CREBL2: variants seen among roughly 807,000 people sequenced by gnomAD.
CREBL2 encodes the protein cAMP-responsive element-binding protein-like 2.
CREBL2 carries 4 observed loss-of-function variants against 19.5 expected under a neutral mutation model. The observed-to-expected ratio is 0.20, with a 90% CI of 0.10 to 0.47. The LOEUF is 0.47. CREBL2 is among the 20% of genes least tolerant of loss of function. The pLI, the probability that CREBL2 is intolerant of heterozygous loss-of-function variation, is 0.98. For missense variants in CREBL2, 85 were observed against 145.1 expected (o/e 0.59, Z 2.13); for synonymous variants, 42 against 46.6 (o/e 0.90, Z 0.40).
At chr12:12,622,529 A>T (rs921191666) in intron 1 of CREBL2, among the ~76,000 whole-genome samples, 1 of 152,082 alleles carries the variant, frequency 6.6e-6, no homozygotes, top group Non-Finnish European at 1.5e-5. Context: ...GTTGTGGGGG[A>T]TGAGGGAGGG....
intron 1 of CREBL2, among the ~76,000 whole-genome samples, chr12:12,631,512 GT>G (rs1321347342): frequency 2.6e-4 from 40 of 152,336 alleles, no homozygotes; most frequent in African/African-American, 9.1e-4. Flanking sequence ...ATGAAAGTCA[GT>G]AATTTTGTTT....
At chr12:12,628,517 C>G (rs1444159068) in intron 1 of CREBL2, among the ~76,000 whole-genome samples, 1 of 152,204 alleles carries the variant, frequency 6.6e-6, no homozygotes, top group Non-Finnish European at 1.5e-5. Context: ...CTTATCATAT[C>G]TAAGAAACCA....
At chr12:12,638,686 T>A (rs1387183766) in intron 3 of CREBL2, among the ~76,000 whole-genome samples, 1 of 152,170 alleles carries the variant, frequency 6.6e-6, no homozygotes, top group East Asian at 1.9e-4. Flanking sequence ...TGTTAAGGAA[T>A]TATACTTATT....
chr12:12,638,776 T>C (rs997948931), intron 3 of CREBL2, among the ~76,000 whole-genome samples: 1 of 152,232 alleles, frequency 6.6e-6, no homozygotes, highest in African/African-American at 2.4e-5. Context: ...TGTCCTCACC[T>C]AATCCAGGCT....
At chr12:12,636,925 GACA>G (rs891859512) in intron 2 of CREBL2, among the ~76,000 whole-genome samples, 10 of 152,200 alleles carry the variant, frequency 6.6e-5, no homozygotes, top group African/African-American at 2.2e-4. Context: ...TAGAAAGTAA[GACA>G]ACAAGGTTGG....
chr12:12,637,413 C>A (rs548633502), intron 2 of CREBL2, among the ~76,000 whole-genome samples, 157 bp from the exon 3 acceptor site: 149 of 152,052 alleles, frequency 9.8e-4, no homozygotes, highest in African/African-American at 3.4e-3. Context: ...ATAGGTAATA[C>A]CATGGAGGGT....
intron 1 of CREBL2, among the ~76,000 whole-genome samples, chr12:12,617,090 G>A (rs1280551798): frequency 1.3e-5 from 2 of 152,222 alleles, no homozygotes; most frequent in Non-Finnish European, 2.9e-5. Context: ...TGGCTGGAGT[G>A]AGAGCAGGAC....
chr12:12,620,702 C>T (rs1162084800), intron 1 of CREBL2, among the ~76,000 whole-genome samples: 1 of 152,110 alleles, frequency 6.6e-6, no homozygotes, highest in Non-Finnish European at 1.5e-5. Context: ...ATGTTTTGTC[C>T]TCTTAAGATT....
At chr12:12,628,799 A>G (rs1203843178) in intron 1 of CREBL2, among the ~76,000 whole-genome samples, 1 of 152,078 alleles carries the variant, frequency 6.6e-6, no homozygotes, top group Non-Finnish European at 1.5e-5. Context: ...ATTTTTGTAT[A>G]TGGTACGAGG....
Position 12,636,086 on chromosome 12 carries a change from G to C in CREBL2, c.213+112G>C. ...CTGTCCAGTTGGCAAACATTGGAGA[G>C]AATATTAATCTGTTAGCCAGGATGG... is the stretch of plus-strand genomic sequence containing the variant. On this transcript the variant is annotated intron_variant, in intron 2 of 3. Coordinates refer to ENST00000228865, the MANE Select transcript of CREBL2 (RefSeq NM_001310.4). The C allele has an allele frequency of 2.9e-6, 3 of 1,025,512 alleles. No individual in the cohort carries two copies. In the South Asian group the frequency reaches 5.0e-5, roughly 17 times the overall value. 63.5% of individuals were successfully genotyped at this position (1,025,512 alleles called of 1,614,324 possible). A position where few individuals can be genotyped will look rare whatever the true frequency, so the allele number is the denominator to read the frequency against.
rs905628290 is a variant in CREBL2 at position 12,612,288 on chromosome 12, A to T, written c.15+101A>T. On this transcript the variant is annotated intron_variant, in intron 1 of 3. Transcript: ENST00000228865. Reference sequence around the variant, plus strand: ...TAGTCCACGCCAACACCCAAGAGACACCTGCCTAAAACATCCCTGCGCCTC... The same window carrying T: ...TAGTCCACGCCAACACCCAAGAGACTCCTGCCTAAAACATCCCTGCGCCTC... The T allele has an allele frequency of 2.5e-6, 4 of 1,595,890 alleles. No homozygotes were observed. In the East Asian group the frequency reaches 9.0e-5, roughly 36 times the overall value.
intron 1 of CREBL2, among the ~76,000 whole-genome samples, chr12:12,627,044 G>A (rs973878420): frequency 6.6e-6 from 1 of 152,094 alleles, no homozygotes; most frequent in Non-Finnish European, 1.5e-5. Context: ...TTTCAGGAGA[G>A]GGAGGAAGAG....
intron 1 of CREBL2, among the ~76,000 whole-genome samples, chr12:12,620,332 C>T (rs1945350480): frequency 6.6e-6 from 1 of 152,070 alleles, no homozygotes; most frequent in Non-Finnish European, 1.5e-5. Context: ...CTCCCTGGCT[C>T]AAGCGATCCT....
intron 2 of CREBL2, 131 bp from the exon 3 acceptor site, chr12:12,637,439 G>A (rs1406749235): frequency 5.4e-5 from 24 of 441,184 alleles, no homozygotes; most frequent in Non-Finnish European, 7.9e-5. Flanking sequence ...TCCCAGCAGC[G>A]AACGTGACCT....
intron 1 of CREBL2, 77 bp from the exon 2 acceptor site, chr12:12,635,700 T>C (rs1945469743): frequency 2.0e-6 from 3 of 1,485,188 alleles, no homozygotes; most frequent in Admixed American, 2.3e-5. Context: ...AATGTTCTCT[T>C]TGCTAATATG....
intron 1 of CREBL2, among the ~76,000 whole-genome samples, chr12:12,617,836 C>A (rs1393418230): frequency 6.6e-6 from 1 of 150,892 alleles, no homozygotes; most frequent in Non-Finnish European, 1.5e-5. Context: ...GTGTTTGTGT[C>A]CCTGGGTACT....
At chr12:12,624,631 T>C (rs560071568) in intron 1 of CREBL2, among the ~76,000 whole-genome samples, 8 of 152,290 alleles carry the variant, frequency 5.3e-5, no homozygotes, top group African/African-American at 1.9e-4. Flanking sequence ...AGCATCCAGG[T>C]AGGGGTGCCT....
chr12:12,636,958 T>G (rs1222114903), intron 2 of CREBL2, among the ~76,000 whole-genome samples: 1 of 152,230 alleles, frequency 6.6e-6, no homozygotes, highest in Non-Finnish European at 1.5e-5. Context: ...AGGAGGGACA[T>G]GAACAGTGTT....
chr12:12,613,071 A>G (rs913854364), intron 1 of CREBL2, among the ~76,000 whole-genome samples: 3 of 152,084 alleles, frequency 2.0e-5, no homozygotes, highest in East Asian at 1.9e-4. Flanking sequence ...GGGTTTCTCC[A>G]TGTTGGTCAG....
Sources: gnomAD v4.1 joint callset for allele counts (sites outside exome capture counted in the v4.1 genomes callset) on GRCh38, gnomAD v4.1.1 for gene constraint, MANE v1.5 for transcripts, NCBI Gene and HGNC (gene_info 2026-07-23, HGNC 2026-07-21) for gene names.